Variants in PRUNE2 observed in about 807,000 individuals in gnomAD.
PRUNE2 encodes prune homolog 2 with BCH domain.
PRUNE2 carries 164 observed loss-of-function variants against 252.0 expected under a neutral mutation model. That is an observed-to-expected ratio of 0.65 (90% confidence interval 0.57 to 0.74). The LOEUF is 0.74. Ranked by LOEUF, PRUNE2 falls within the 30% of genes least tolerant of loss-of-function variation. PRUNE2 has a pLI of 0.00. For missense variants in PRUNE2, 3,495 were observed against 3,711.0 expected, an observed-to-expected ratio of 0.94 and a Z score of 1.51; for synonymous variants, 1,292 against 1,350.2, an observed-to-expected ratio of 0.96 and a Z score of 0.94.
intron 18 of PRUNE2, among the ~76,000 whole-genome samples, chr9:76,615,872 C>T (rs1303796294): frequency 2.7e-5 from 4 of 145,772 alleles, no homozygotes; most frequent in South Asian, 4.6e-4. Flanking sequence ...TAGATTCAAG[C>T]GACTCTCCTG....
At chr9:76,789,152 T>A (rs2055312967) in intron 6 of PRUNE2, among the ~76,000 whole-genome samples, 1 of 152,220 alleles carries the variant, frequency 6.6e-6, no homozygotes. Context: ...TTCAAGTATT[T>A]ATATTGCCAT....
At chr9:76,713,771 G>A (rs755811722) in intron 6 of PRUNE2, 50 bp from the exon 7 acceptor site, 15 of 1,390,444 alleles carry the variant, frequency 1.1e-5, no homozygotes, top group South Asian at 9.5e-5. Flanking sequence ...GCCCAGCTGC[G>A]GGGAGTTGTT....
chr9:76,874,306 T>C (rs924935612), intron 1 of PRUNE2, among the ~76,000 whole-genome samples: 1 of 152,202 alleles, frequency 6.6e-6, no homozygotes, highest in Non-Finnish European at 1.5e-5. Flanking sequence ...AATAATGATA[T>C]CCTGTGAAAT....
In PRUNE2 at chr9:76,652,544, G is replaced by A; in HGVS notation, c.8496C>T (p.Asp2832=). The A allele has an allele frequency of 6.2e-7, 1 of 1,613,344 alleles. No homozygotes were observed. Among genetic ancestry groups the A allele is most frequent in the Non-Finnish European group, 8.5e-7 (1 of 1,179,402 alleles). Reference sequence around the variant, plus strand: ...GGGTATCAAGTTCATCCACATTGATGTCAATTTCATCTGGACTGTCCAAGT... The same window carrying A: ...GGGTATCAAGTTCATCCACATTGATATCAATTTCATCTGGACTGTCCAAGT... ...DDNLDSPDEI[D]INVDELDTPD... is the part of the protein sequence containing the mutation. Residue 2832 remains aspartate (D), a synonymous_variant, in exon 11 of 19, where the codon GAC becomes GAT. Transcript: ENST00000376718.
rs780630549 is a variant in PRUNE2, at chr9:76,710,881, C to G, written c.1393G>C (p.Gly465Arg). ...GAGPHHTLLP[G>R]LDSYSPIPEG... ...GGGATGGGGCTGTAGGAGTCAAGCC[C>G]TGGGAGAAGGGTGTGGTGAGGCCCA... Residue 465 changes from glycine to arginine, a missense_variant, in exon 8 of 19, where the codon GGG becomes CGG. Gly to Arg is a moderately radical substitution (Grantham distance 125, BLOSUM62 -2). Transcript: ENST00000376718. 1.9e-6 allele frequency: 3 copies of G among 1,542,938 alleles called. No individual in the cohort carries two copies. The highest frequency in any genetic ancestry group is 1.8e-4 in the Middle Eastern group (1 of 5,686).
chr9:76,840,585 T>C (rs2059329360), intron 4 of PRUNE2, among the ~76,000 whole-genome samples: 1 of 152,214 alleles, frequency 6.6e-6, no homozygotes, highest in Non-Finnish European at 1.5e-5. Flanking sequence ...GCCATAAATA[T>C]CTAGTCTCAT....
chr9:76,810,384 G>A (rs921681860), intron 6 of PRUNE2, among the ~76,000 whole-genome samples: 2 of 152,194 alleles, frequency 1.3e-5, no homozygotes, highest in African/African-American at 4.8e-5. Context: ...CTACTATTAT[G>A]TTCATTTGCT....
chr9:76,691,013 T>C (rs1448184834), intron 9 of PRUNE2, among the ~76,000 whole-genome samples: 2 of 152,252 alleles, frequency 1.3e-5, no homozygotes, highest in Admixed American at 1.3e-4. Context: ...GGCATCGTAA[T>C]CTAATTATTC....
chr9:76,680,735 T>G (rs1390123723), intron 9 of PRUNE2, among the ~76,000 whole-genome samples: 1 of 151,960 alleles, frequency 6.6e-6, no homozygotes, highest in African/African-American at 2.4e-5. Context: ...AAAAGAGAGG[T>G]TTAATTGACT....
At chr9:76,790,874 C>A (rs561633494) in intron 6 of PRUNE2, among the ~76,000 whole-genome samples, 1 of 152,282 alleles carries the variant, frequency 6.6e-6, no homozygotes, top group South Asian at 2.1e-4. Flanking sequence ...ATTGGAAATC[C>A]AATGAGGCTT....
At chr9:76,722,224 ATT>A (rs57390775) in intron 6 of PRUNE2, among the ~76,000 whole-genome samples, 159 of 130,546 alleles carry the variant, frequency 1.2e-3, no homozygotes, top group East Asian at 3.1e-3. Flanking sequence ...ACACCCTGCT[ATT>A]TTTTTTTTTT....
rs750663760 is a variant in PRUNE2 at position 76,705,814 on chromosome 9, C to G, written c.6460G>C (p.Val2154Leu). ...EPIYEPGREF[V>L]PSNAELDSEN... ...GAATCGAGTTCTGCATTGGATGGGA[C>G]AAACTCCCGTCCAGGCTCATAAATG... The change falls in exon 8 of 19, where the codon GTC becomes CTC. Residue 2154 changes from valine (V) to leucine (L), a missense_variant. Val to Leu is a conservative substitution (Grantham distance 32). Coordinates refer to ENST00000376718, the MANE Select transcript of PRUNE2 (RefSeq NM_015225.3). 1 of 1,613,698 alleles carries G rather than the reference C, an allele frequency of 6.2e-7. No individual in the cohort carries two copies. The highest frequency in any genetic ancestry group is 1.1e-5 in the South Asian group (1 of 91,080).
At position 76,670,058 on chromosome 9, in the gene PRUNE2, C is replaced by T. The variant is rs749560490; in HGVS notation, c.8277-14556G>A. On this transcript the variant is annotated intron_variant, in intron 9 of 18. Coordinates refer to ENST00000376718, the MANE Select transcript of PRUNE2 (RefSeq NM_015225.3). Reference sequence around the variant, plus strand: ...ATCTTCGGGGAGGAGCCAAGATGGCCGAATAGGAACAGCTCCAGTCTACAG... The same window carrying T: ...ATCTTCGGGGAGGAGCCAAGATGGCTGAATAGGAACAGCTCCAGTCTACAG... Among the ~76,000 whole-genome samples the T allele has an allele frequency of 2.9e-3, 444 of 152,186 alleles. 2 individuals are homozygous for T. The highest frequency in any genetic ancestry group is 4.1e-3 in the Non-Finnish European group (281 of 68,018).
chr9:76,872,293 T>C (rs1387655644), intron 1 of PRUNE2, among the ~76,000 whole-genome samples: 1 of 152,082 alleles, frequency 6.6e-6, no homozygotes, highest in Admixed American at 6.6e-5. Flanking sequence ...TTCTAAGAAG[T>C]GGAGGAAGAG....
intron 1 of PRUNE2, among the ~76,000 whole-genome samples, chr9:76,877,302 C>T (rs1047692101): frequency 9.9e-5 from 15 of 151,926 alleles, no homozygotes; most frequent in African/African-American, 3.6e-4. Context: ...CTCAGGAGTT[C>T]GAGACCAGCC....
intron 4 of PRUNE2, among the ~76,000 whole-genome samples, chr9:76,841,271 G>A (rs553863904): frequency 1.6e-4 from 24 of 152,270 alleles, no homozygotes; most frequent in Non-Finnish European, 2.9e-4. Flanking sequence ...CATGAGGAAC[G>A]GGGCATTCCA....
At position 76,706,364 on chromosome 9, in the gene PRUNE2, C is replaced by T. The variant is rs185013317; in HGVS notation, c.5910G>A (p.Pro1970=). 527 of 1,613,972 alleles carry T rather than the reference C, an allele frequency of 3.3e-4. 5 individuals carry two copies. The South Asian group carries it at 4.1e-3, about 13-fold the overall frequency. ...CCTCTGCGTGAGTAAAGGCTGTGTC[C>T]GGATGATCACAGACTGGCAGCATGG... The part of the protein sequence containing the change: ...QDTMLPVCDH[P]DTAFTHAEEN... Residue 1970 remains proline (P), a synonymous_variant, in exon 8 of 19, where the codon CCG becomes CCA. Transcript: ENST00000376718.
intron 15 of PRUNE2, 63 bp from the exon 16 acceptor site, chr9:76,629,353 A>G (rs960388395): frequency 2.3e-6 from 2 of 857,032 alleles, no homozygotes; most frequent in Non-Finnish European, 3.5e-6. Context: ...TTCTAAGGCT[A>G]TTGCCTTTTC....
At chr9:76,711,394 A>G in intron 7 of PRUNE2, 36 bp from the exon 8 acceptor site, 1 of 1,470,206 alleles carries the variant, frequency 6.8e-7, no homozygotes, top group Non-Finnish European at 9.3e-7. Flanking sequence ...TCAGCACTCA[A>G]GCACTGTTGC....
Sources: gnomAD v4.1 joint callset for allele counts (sites outside exome capture counted in the v4.1 genomes callset) on GRCh38, gnomAD v4.1.1 for gene constraint, MANE v1.5 for transcripts, NCBI Gene and HGNC (gene_info 2026-07-23, HGNC 2026-07-21) for gene names.